Variants in LRRTM4 observed in about 807,000 individuals in gnomAD.
LRRTM4 encodes leucine rich repeat transmembrane neuronal 4.
In LRRTM4, 25 loss-of-function variants were observed where a neutral mutation model predicts 47.6. The observed-to-expected ratio is 0.53, with a 90% confidence interval of 0.38 to 0.73. The LOEUF is 0.73. Among genes scored for constraint, LRRTM4 ranks in the 30% least tolerant of loss-of-function variants. The probability of loss-of-function intolerance (pLI) is 0.00; values close to 1 mark genes in which losing one functional copy is unlikely to be tolerated. For missense variants in LRRTM4, 638 were observed against 713.4 expected, an observed-to-expected ratio of 0.89 and a Z score of 1.20; for synonymous variants, 311 against 269.5, an observed-to-expected ratio of 1.15 and a Z score of -1.51.
intron 3 of LRRTM4, among the ~76,000 whole-genome samples, chr2:77,013,203 T>A (rs1169439360): frequency 2.0e-5 from 3 of 152,164 alleles, no homozygotes; most frequent in African/African-American, 7.2e-5. Context: ...ACTGAAGCAC[T>A]TGAGGTAGAA....
At chr2:77,254,384 C>T (rs1323561694) in intron 3 of LRRTM4, among the ~76,000 whole-genome samples, 1 of 151,458 alleles carries the variant, frequency 6.6e-6, no homozygotes, top group African/African-American at 2.4e-5. Context: ...TAAAACAAAA[C>T]AAAACAAAAG....
chr2:77,205,788 C>T (rs911059590), intron 3 of LRRTM4, among the ~76,000 whole-genome samples: 16 of 152,148 alleles, frequency 1.1e-4, no homozygotes, highest in African/African-American at 2.7e-4. Flanking sequence ...TGAATGAGCA[C>T]ATTTTATATC....
At chr2:76,947,236 G>A (rs554016105) in intron 3 of LRRTM4, among the ~76,000 whole-genome samples, 4 of 151,606 alleles carry the variant, frequency 2.6e-5, no homozygotes, top group African/African-American at 9.7e-5. Flanking sequence ...ACTTGATCCT[G>A]AGACTACACT....
chr2:77,444,932 TACACACACACACACACATAC>T (rs1420323368), intron 3 of LRRTM4, among the ~76,000 whole-genome samples: 23 of 122,048 alleles, frequency 1.9e-4, no homozygotes, highest in Middle Eastern at 4.1e-3. Context: ...TCCTTTATTT[TACACACACACACACACATAC>T]ACACACACAC....
intron 3 of LRRTM4, among the ~76,000 whole-genome samples, chr2:77,423,254 A>G (rs1051371954): frequency 2.0e-5 from 3 of 152,038 alleles, no homozygotes; most frequent in Admixed American, 1.3e-4. Context: ...TACTTTTTGC[A>G]TGTAATTTTT....
At chr2:77,520,960 T>G (rs1414780790) in intron 2 of LRRTM4, among the ~76,000 whole-genome samples, 1 of 151,998 alleles carries the variant, frequency 6.6e-6, no homozygotes, top group Non-Finnish European at 1.5e-5. Context: ...TTTTCTTAAA[T>G]TTTTAAATTT....
At chr2:77,292,709 AG>A (rs1270246780) in intron 3 of LRRTM4, among the ~76,000 whole-genome samples, 1 of 34,594 alleles carries the variant, frequency 2.9e-5, no homozygotes, top group South Asian at 1.1e-3. Context: ...GGGTGGGGGG[AG>A]GGGGGAGGGG....
intron 3 of LRRTM4, among the ~76,000 whole-genome samples, chr2:76,886,171 T>A (rs1244449109): frequency 6.6e-6 from 1 of 152,172 alleles, no homozygotes; most frequent in Non-Finnish European, 1.5e-5. Flanking sequence ...ATTACAAAAT[T>A]TAAAAGGTGT....
chr2:77,517,753 G>A (rs1226044892), intron 3 of LRRTM4: 1 of 984,108 alleles, frequency 1.0e-6, no homozygotes, highest in Non-Finnish European at 1.2e-6. Context: ...GTAGGCCTCT[G>A]ACATTCTCTA....
At chr2:77,135,884 T>C (rs933929592) in intron 3 of LRRTM4, among the ~76,000 whole-genome samples, 3 of 151,448 alleles carry the variant, frequency 2.0e-5, no homozygotes, top group Admixed American at 1.3e-4. Context: ...AATTTTTACA[T>C]TTTTTTTACA....
intron 3 of LRRTM4, among the ~76,000 whole-genome samples, chr2:76,842,600 A>G (rs1671716292): frequency 6.6e-6 from 1 of 152,228 alleles, no homozygotes; most frequent in Non-Finnish European, 1.5e-5. Flanking sequence ...ATATTAAGAT[A>G]AAGTGTTGAC....
chr2:77,373,703 C>A (rs1476269541), intron 3 of LRRTM4, among the ~76,000 whole-genome samples: 7 of 151,658 alleles, frequency 4.6e-5, no homozygotes, highest in Non-Finnish European at 3.0e-5. Flanking sequence ...ACTTTTCTAA[C>A]CCTCCTTCAT....
intron 3 of LRRTM4, among the ~76,000 whole-genome samples, chr2:77,271,513 G>C (rs1451796760): frequency 1.3e-5 from 2 of 152,142 alleles, no homozygotes; most frequent in African/African-American, 4.8e-5. Flanking sequence ...CCCAAAAGAG[G>C]TTGAGTGCGG....
At chr2:77,253,156 A>G (rs1378455500) in intron 3 of LRRTM4, among the ~76,000 whole-genome samples, 2 of 152,182 alleles carry the variant, frequency 1.3e-5, no homozygotes, top group African/African-American at 2.4e-5. Context: ...TTAATATAAA[A>G]CATGGCTATT....
chr2:76,976,908 TC>T, intron 3 of LRRTM4, among the ~76,000 whole-genome samples: 1 of 151,918 alleles, frequency 6.6e-6, no homozygotes, highest in South Asian at 2.1e-4. Flanking sequence ...CCTAATTTGA[TC>T]ATTAAACATT....
At chr2:77,419,376 T>C (rs926960488) in intron 3 of LRRTM4, among the ~76,000 whole-genome samples, 3 of 152,202 alleles carry the variant, frequency 2.0e-5, no homozygotes, top group Non-Finnish European at 4.4e-5. Context: ...TTCTCACAGA[T>C]ACTAAAATCC....
rs1276163705 is a variant in LRRTM4, at chr2:76,974,199, T to C, written c.1552-225283A>G. Among the ~76,000 whole-genome samples, 32 of 94,762 alleles carry C rather than the reference T, an allele frequency of 3.4e-4. 2 individuals are homozygous for C. Among genetic ancestry groups the C allele is most frequent in the South Asian group, 7.8e-4 (2 of 2,576 alleles). 62.2% of individuals were successfully genotyped at this position (94,762 alleles called of 152,430 possible). On this transcript the variant is annotated intron_variant, in intron 3 of 3. Coordinates refer to ENST00000409884, the MANE Select transcript of LRRTM4 (RefSeq NM_001134745.3). ...ATATATATACATACATATATATACA[T>C]ATATATATATACACATATATATACA...
intron 3 of LRRTM4, among the ~76,000 whole-genome samples, chr2:76,983,375 C>T (rs13389562): frequency 0.18 from 27,562 of 151,958 alleles, 2,852 homozygotes; most frequent in East Asian, 0.41. Flanking sequence ...AGGGTGGGGC[C>T]AGCCACAGCT....
intron 3 of LRRTM4, among the ~76,000 whole-genome samples, chr2:77,194,400 A>G (rs1673758206): frequency 6.6e-6 from 1 of 152,148 alleles, no homozygotes; most frequent in African/African-American, 2.4e-5. Flanking sequence ...AGCATTTAAT[A>G]TGGGAATTAT....
Sources: gnomAD v4.1 joint callset for allele counts (sites outside exome capture counted in the v4.1 genomes callset) on GRCh38, gnomAD v4.1.1 for gene constraint, MANE v1.5 for transcripts, NCBI Gene and HGNC (gene_info 2026-07-23, HGNC 2026-07-21) for gene names.